GABRA1: variants seen among roughly 807,000 people sequenced by gnomAD.
GABRA1 encodes the protein gamma-aminobutyric acid type A receptor subunit alpha1.
A neutral mutation model predicts 48.9 loss-of-function variants in GABRA1; 9 were observed. That is an observed-to-expected ratio of 0.18 (90% CI 0.11 to 0.32). GABRA1 has a LOEUF of 0.32. GABRA1 is among the 10% of genes least tolerant of loss of function. GABRA1 has a pLI of 1.00. For missense variants in GABRA1, 285 were observed against 553.8 expected (o/e 0.51, Z 4.87); for synonymous variants, 210 against 198.7 (o/e 1.06, Z -0.48).
At chr5:161,881,772 A>G (rs1754622385) in intron 6 of GABRA1, 1 of 152,198 alleles carries the variant, frequency 6.6e-6, no homozygotes. Context: ...TTTTGCCTGC[A>G]ATAGAAGAAA....
intron 8 of GABRA1, among the ~76,000 whole-genome samples, chr5:161,894,082 A>T (rs1158228017): frequency 6.6e-6 from 1 of 152,210 alleles, no homozygotes; most frequent in Non-Finnish European, 1.5e-5. Flanking sequence ...GGGATTTATC[A>T]AAAAGGACTA....
intron 4 of GABRA1, among the ~76,000 whole-genome samples, chr5:161,869,516 TCAAA>T (rs1391855344): frequency 6.6e-6 from 1 of 152,176 alleles, no homozygotes; most frequent in Non-Finnish European, 1.5e-5. Flanking sequence ...TAATTGGCAA[TCAAA>T]CAGAACATTC....
At chr5:161,854,046 G>T in intron 2 of GABRA1, 112 bp from the exon 3 acceptor site, 1 of 555,016 alleles carries the variant, frequency 1.8e-6, no homozygotes, top group Non-Finnish European at 3.2e-6. Context: ...TAATTTTCAA[G>T]TTAAGATTCA....
intron 3 of GABRA1, among the ~76,000 whole-genome samples, chr5:161,856,444 T>A (rs376151653): frequency 6.6e-6 from 1 of 151,354 alleles, no homozygotes; most frequent in African/African-American, 2.4e-5. Flanking sequence ...TTCCAGGACT[T>A]GAGAAAATTA....
At chr5:161,877,413 T>G (rs1754408477) in intron 6 of GABRA1, among the ~76,000 whole-genome samples, 1 of 152,186 alleles carries the variant, frequency 6.6e-6, no homozygotes, top group South Asian at 2.1e-4. Flanking sequence ...CTGATAGATT[T>G]CTGATTGGTT....
In GABRA1 at chr5:161,896,786, G is replaced by A. The variant is rs12332300; in HGVS notation, c.1060-325G>A. Among the ~76,000 whole-genome samples, 588 of 152,134 alleles carry A rather than the reference G, an allele frequency of 3.9e-3. 4 individuals are homozygous for A. The highest frequency in any genetic ancestry group is 0.014 in the African/African-American group (574 of 41,504). On this transcript the variant is annotated intron_variant, in intron 9 of 9. Coordinates refer to ENST00000393943, the MANE Select transcript of GABRA1 (RefSeq NM_001127644.2). ...TTTCCTGGTCACAGCATATTAAAGG[G>A]GCTAAGAAATTCTGTAGTAAATAAA...
At chr5:161,873,786 G>A (rs958022858) in intron 5 of GABRA1, among the ~76,000 whole-genome samples, 12 of 152,116 alleles carry the variant, frequency 7.9e-5, no homozygotes, top group African/African-American at 2.9e-4. Flanking sequence ...AGAAGTATTT[G>A]AATTCACAAT....
At chr5:161,887,081 G>C (rs1754882205) in intron 7 of GABRA1, among the ~76,000 whole-genome samples, 1 of 152,160 alleles carries the variant, frequency 6.6e-6, no homozygotes, top group Non-Finnish European at 1.5e-5. Context: ...GCCATGCAAT[G>C]TTTTAAAAAC....
rs563033926 is a variant in GABRA1, at chr5:161,894,570, T to C, written c.857-1096T>C. Among the ~76,000 whole-genome samples the C allele has an allele frequency of 4.6e-5, 7 of 152,228 alleles. No homozygotes were observed. The South Asian group carries it at 1.5e-3, about 32-fold the overall frequency. On this transcript the variant is annotated intron_variant, in intron 8 of 9. Transcript: ENST00000393943. ...TAGCAGAGGTCATAGAGCTAATAAG[T>C]GGTAGGATTGAGACTAGTCACTGGA...
intron 8 of GABRA1, among the ~76,000 whole-genome samples, chr5:161,892,520 T>C (rs1213169465): frequency 6.6e-6 from 1 of 152,186 alleles, no homozygotes; most frequent in Non-Finnish European, 1.5e-5. Flanking sequence ...TCAGAATAAT[T>C]GCAGCTGCAG....
At chr5:161,862,097 A>G (rs1227930097) in intron 3 of GABRA1, among the ~76,000 whole-genome samples, 4 of 151,474 alleles carry the variant, frequency 2.6e-5, no homozygotes, top group Non-Finnish European at 5.9e-5. Flanking sequence ...TCCCTCCTCC[A>G]TTTTTTTTAT....
chr5:161,874,970 A>T (rs564173088), intron 5 of GABRA1, among the ~76,000 whole-genome samples: 1 of 152,282 alleles, frequency 6.6e-6, no homozygotes, highest in African/African-American at 2.4e-5. Context: ...TCCTAGCTTC[A>T]ATTAGATGGT....
chr5:161,880,312 A>G (rs1035255736), intron 6 of GABRA1, among the ~76,000 whole-genome samples: 2 of 152,296 alleles, frequency 1.3e-5, no homozygotes, highest in African/African-American at 4.8e-5. Context: ...TGCTTCCATT[A>G]AAAAACAATA....
intron 6 of GABRA1, among the ~76,000 whole-genome samples, chr5:161,878,609 C>G (rs924439460): frequency 1.3e-5 from 2 of 152,160 alleles, no homozygotes; most frequent in Admixed American, 1.3e-4. Context: ...TTACCGTTCT[C>G]TATTAGATTC....
chr5:161,888,918 C>T (rs974451175), intron 7 of GABRA1, among the ~76,000 whole-genome samples: 1 of 151,936 alleles, frequency 6.6e-6, no homozygotes, highest in Admixed American at 6.6e-5. Flanking sequence ...TCCATTTTCA[C>T]TATATGAAGG....
chr5:161,871,279 G>A (rs1465335726), intron 4 of GABRA1, among the ~76,000 whole-genome samples: 6 of 152,108 alleles, frequency 3.9e-5, no homozygotes, highest in Admixed American at 3.9e-4. Flanking sequence ...CGATTCATGG[G>A]AACGTGGTCA....
chr5:161,860,837 T>C (rs1757827523), intron 3 of GABRA1, among the ~76,000 whole-genome samples: 1 of 151,832 alleles, frequency 6.6e-6, no homozygotes, highest in Admixed American at 6.6e-5. Context: ...GTCCAAGTTA[T>C]AAGGTGCACA....
intron 8 of GABRA1, among the ~76,000 whole-genome samples, chr5:161,893,839 G>T (rs1755237603): frequency 6.6e-6 from 1 of 152,162 alleles, no homozygotes; most frequent in Non-Finnish European, 1.5e-5. Context: ...AATATACATT[G>T]TCAGGTTCCA....
In GABRA1 at chr5:161,850,894, C is replaced by A; in HGVS notation, c.74+10C>A. The A allele has an allele frequency of 6.2e-7, 1 of 1,610,200 alleles. No homozygotes were observed. Among genetic ancestry groups the A allele is most frequent in the East Asian group, 2.2e-5 (1 of 44,862 alleles). On this transcript the variant is annotated intron_variant, in intron 2 of 9. Transcript: ENST00000393943. Reference sequence around the variant, plus strand: ...CACTGACTGGAAGAAGGTGGGGACACTTTTTTAAAAATCTGCATGAAAATT... The same window carrying A: ...CACTGACTGGAAGAAGGTGGGGACAATTTTTTAAAAATCTGCATGAAAATT...
Sources: gnomAD v4.1 joint callset for allele counts (sites outside exome capture counted in the v4.1 genomes callset) on GRCh38, gnomAD v4.1.1 for gene constraint, MANE v1.5 for transcripts, NCBI Gene and HGNC (gene_info 2026-07-23, HGNC 2026-07-21) for gene names.